NCOR2: variants seen among roughly 807,000 people sequenced by gnomAD.
NCOR2 encodes nuclear receptor corepressor 2.
A neutral mutation model predicts 262.9 loss-of-function variants in NCOR2; 81 were observed. The observed-to-expected ratio is 0.31, with a 90% CI of 0.26 to 0.37. NCOR2 has a LOEUF of 0.37. Among genes scored for constraint, NCOR2 ranks in the 10% least tolerant of loss-of-function variants. NCOR2 has a pLI of 1.00. For missense variants in NCOR2, 3,385 were observed against 3,621.4 expected (o/e 0.93, Z 1.68); for synonymous variants, 1,659 against 1,559.3 (o/e 1.06, Z -1.51).
chr12:124,390,955 G>A (rs937240016), intron 16 of NCOR2, among the ~76,000 whole-genome samples: 3 of 152,268 alleles, frequency 2.0e-5, no homozygotes, highest in African/African-American at 4.8e-5. Context: ...CGGCGGCCAC[G>A]GGAGTGGGTG....
chr12:124,330,241 C>T (rs1158560935), intron 44 of NCOR2, among the ~76,000 whole-genome samples: 1 of 152,252 alleles, frequency 6.6e-6, no homozygotes, highest in African/African-American at 2.4e-5. Flanking sequence ...GAGGCCACAC[C>T]CCAGACTCAC....
chr12:124,374,014 G>T (rs2039778980), intron 19 of NCOR2, among the ~76,000 whole-genome samples: 1 of 152,194 alleles, frequency 6.6e-6, no homozygotes, highest in Non-Finnish European at 1.5e-5. Context: ...CCCAAGGATG[G>T]CAAGGAGAGC....
rs77438754 is a variant in NCOR2, at chr12:124,413,129, C to G, written c.1482+6828G>C. 5.0e-3 allele frequency among the ~76,000 whole-genome samples: 756 copies of G among 152,294 alleles called. 17 individuals carry two copies. The East Asian group carries it at 0.072, about 14-fold the overall frequency. ...ATTTCAATCCCACCTTGACAAATGG[C>G]GAAAGGAGGGGCACCCATGTCCTTG... On this transcript the variant is annotated intron_variant, in intron 13 of 46. Transcript: ENST00000405201.
rs1373478353 is a variant in NCOR2, at chr12:124,432,865, G to A, written c.883-2078C>T. ...TGACTTGAGCAAGTGGCGGCGGGGG[G>A]CGGGGGGTGGGGGCGGGGAAGGGGA... On this transcript the variant is annotated intron_variant, in intron 8 of 46. Coordinates refer to ENST00000405201, the Ensembl canonical transcript of NCOR2. This position sits in a 1 kb window ranked among gnomAD's most constrained non-coding sequence, Gnocchi z 5.1. Among the ~76,000 whole-genome samples the A allele has an allele frequency of 6.7e-6, 1 of 148,880 alleles. No individual in the cohort carries two copies. Among genetic ancestry groups the A allele is most frequent in the East Asian group, 2.0e-4 (1 of 4,956 alleles).
At chr12:124,518,821 A>G (rs983410681) in intron 1 of NCOR2, among the ~76,000 whole-genome samples, 2 of 152,058 alleles carry the variant, frequency 1.3e-5, no homozygotes, top group Admixed American at 1.3e-4. Flanking sequence ...CCCAGCCCGG[A>G]CTGTCCAGCT....
chr12:124,522,312 T>C (rs746806661), intron 1 of NCOR2, among the ~76,000 whole-genome samples: 1 of 152,210 alleles, frequency 6.6e-6, no homozygotes, highest in Non-Finnish European at 1.5e-5. Flanking sequence ...TATAACAAAT[T>C]ATTACAAATT....
At chr12:124,376,429 TAC>T (rs2040004790) in intron 18 of NCOR2, among the ~76,000 whole-genome samples, 1 of 152,210 alleles carries the variant, frequency 6.6e-6, no homozygotes, top group African/African-American at 2.4e-5. Context: ...GAGGGATATT[TAC>T]AGAGGGGACT....
At chr12:124,345,593 G>A (rs1319634781) in intron 31 of NCOR2, among the ~76,000 whole-genome samples, 1 of 152,232 alleles carries the variant, frequency 6.6e-6, no homozygotes, top group Non-Finnish European at 1.5e-5. Flanking sequence ...ATTTAGGGAT[G>A]TCTTCATTAC....
intron 20 of NCOR2, among the ~76,000 whole-genome samples, chr12:124,369,737 G>A (rs569482809): frequency 1.1e-4 from 17 of 152,252 alleles, no homozygotes; most frequent in East Asian, 3.9e-4. Context: ...ACTCCCAGCC[G>A]AGGACTCCTG....
intron 20 of NCOR2, among the ~76,000 whole-genome samples, chr12:124,366,990 AAAAT>A (rs1426275569): frequency 6.6e-6 from 1 of 152,254 alleles, no homozygotes; most frequent in African/African-American, 2.4e-5. Context: ...TACAAATAGA[AAAAT>A]AAAATATAAA....
intron 31 of NCOR2, among the ~76,000 whole-genome samples, chr12:124,345,669 G>T (rs1425300976): frequency 1.3e-5 from 2 of 152,230 alleles, no homozygotes; most frequent in African/African-American, 2.4e-5. Context: ...CCCTGTCTTG[G>T]TCATGCGGTG....
At chr12:124,363,580 C>G in intron 21 of NCOR2, 99 bp downstream of exon 23, 1 of 1,104,092 alleles carries the variant, frequency 9.1e-7, no homozygotes, top group South Asian at 3.5e-5. Flanking sequence ...ATGAGCTAGG[C>G]TGCAGGTGCA....
chr12:124,426,924 A>G (rs1244092), intron 10 of NCOR2, 124 bp from the exon 13 acceptor site: 744,195 of 821,258 alleles, frequency 0.91, 338,613 homozygotes, highest in Non-Finnish European at 0.94. Context: ...ACGCGAAACC[A>G]AGGAGAAGGA....
intron 1 of NCOR2, among the ~76,000 whole-genome samples, chr12:124,534,251 G>A (rs764666853): frequency 6.6e-6 from 1 of 152,186 alleles, no homozygotes; most frequent in Non-Finnish European, 1.5e-5. Context: ...GAGGTCAGGA[G>A]TTCGAGACCA....
intron 1 of NCOR2, 98 bp from the exon 4 acceptor site, chr12:124,486,666 G>A (rs2136827307): frequency 1.4e-6 from 2 of 1,406,044 alleles, no homozygotes; most frequent in Non-Finnish European, 9.4e-7. Flanking sequence ...CCCTGCTCAG[G>A]CTCGCTCCTG....
chr12:124,552,641 C>A (rs1002488694), intron 1 of NCOR2, among the ~76,000 whole-genome samples: 16 of 152,172 alleles, frequency 1.1e-4, no homozygotes, highest in African/African-American at 3.6e-4. Flanking sequence ...TAACAATGAC[C>A]ACAAACTCGG....
Position 124,503,113 on chromosome 12 carries a change from G to C in NCOR2, c.-117-7745C>G, listed in dbSNP as rs2048835636. ...AGGGTGCGGTCTGCCCTCCAGCTGAGACCAGGCAAGCCAAACCCATCCCAA... is the reference window on the plus strand; with the variant it reads ...AGGGTGCGGTCTGCCCTCCAGCTGACACCAGGCAAGCCAAACCCATCCCAA... On this transcript the variant is annotated intron_variant, in intron 1 of 46. Coordinates refer to the NCOR2 transcript ENST00000404621. The surrounding 1 kb of genome is among the most constrained non-coding windows in gnomAD (Gnocchi z 4.3). 6.6e-6 allele frequency among the ~76,000 whole-genome samples: 1 copy of C among 152,238 alleles called. No homozygotes were observed. Among genetic ancestry groups the C allele is most frequent in the African/African-American group, 2.4e-5 (1 of 41,460 alleles).
intron 16 of NCOR2, among the ~76,000 whole-genome samples, chr12:124,394,420 A>C (rs2041524983): frequency 6.6e-6 from 1 of 152,158 alleles, no homozygotes; most frequent in Admixed American, 6.5e-5. Flanking sequence ...AAACCCCAGG[A>C]AGGTGGGTGT....
chr12:124,347,891 G>A (rs1431852599), exon 30 of NCOR2: 1 of 1,564,136 alleles, frequency 6.4e-7, no homozygotes, highest in Non-Finnish European at 8.7e-7. Context: ...CGCTCCGGCG[G>A]GATGGCACGG....
Sources: gnomAD v4.1 joint callset for allele counts (sites outside exome capture counted in the v4.1 genomes callset) on GRCh38, gnomAD v4.1.1 for gene constraint, Gnocchi (gnomAD v3.1) non-coding constraint, MANE v1.5 for transcripts, NCBI Gene and HGNC (gene_info 2026-07-23, HGNC 2026-07-21) for gene names.